Variants in SYNPR observed in about 807,000 individuals in gnomAD.
SYNPR encodes synaptoporin.
In SYNPR, 23 loss-of-function variants were observed where a neutral mutation model predicts 32.9. The ratio of observed to expected loss-of-function variants is 0.70; its 90% CI spans 0.50 to 0.99. SYNPR has a LOEUF of 0.99. SYNPR is among the 50% of genes least tolerant of loss of function. SYNPR has a pLI of 0.00. For synonymous variants in SYNPR, 146 were observed against 135.9 expected, an observed-to-expected ratio of 1.07 and a Z score of -0.52; for missense variants, 318 against 349.3, an observed-to-expected ratio of 0.91 and a Z score of 0.71.
the SYNPR span, among the ~76,000 whole-genome samples, chr3:63,211,244 T>C: frequency 6.6e-6 from 1 of 152,136 alleles, no homozygotes; most frequent in African/African-American, 2.4e-5. Context: ...ATTTTTATAT[T>C]TTTAGTAGAG....
chr3:63,350,884 G>A (rs577195846), intron 2 of SYNPR, among the ~76,000 whole-genome samples: 2 of 152,136 alleles, frequency 1.3e-5, no homozygotes, highest in East Asian at 1.9e-4. Flanking sequence ...GTGACTTCTC[G>A]ACCTCTGTTC....
chr3:63,476,262 A>G (rs13321732), intron 2 of SYNPR, among the ~76,000 whole-genome samples: 1 of 87,518 alleles, frequency 1.1e-5, no homozygotes, highest in Non-Finnish European at 2.2e-5. Flanking sequence ...AGAAGAAGGA[A>G]GGAAGGAAGG....
intron 2 of SYNPR, among the ~76,000 whole-genome samples, chr3:63,364,988 A>G (rs2198137): frequency 0.75 from 114,561 of 152,120 alleles, 43,907 homozygotes; most frequent in East Asian, 0.98. Flanking sequence ...ATTAAGAATA[A>G]AGATAAATGA....
At chr3:63,338,238 T>A (rs1451780325) in intron 2 of SYNPR, among the ~76,000 whole-genome samples, 1 of 152,196 alleles carries the variant, frequency 6.6e-6, no homozygotes, top group Non-Finnish European at 1.5e-5. Context: ...CTTGGCAGAA[T>A]TTCTTCTGAA....
chr3:63,483,087 A>G (rs938741092), intron 3 of SYNPR, among the ~76,000 whole-genome samples: 4 of 152,228 alleles, frequency 2.6e-5, no homozygotes, highest in African/African-American at 9.6e-5. Flanking sequence ...TGTACATTCT[A>G]TTTAATCCAG....
intron 3 of SYNPR, among the ~76,000 whole-genome samples, chr3:63,270,387 T>A (rs936875790): frequency 1.3e-5 from 2 of 152,130 alleles, no homozygotes; most frequent in African/African-American, 4.8e-5. Flanking sequence ...TTTCTTAAGA[T>A]CAAATGATTT....
intron 2 of SYNPR, among the ~76,000 whole-genome samples, chr3:63,347,368 C>G (rs1189327269): frequency 2.6e-5 from 4 of 152,146 alleles, no homozygotes; most frequent in African/African-American, 9.7e-5. Flanking sequence ...AGGTAGGCTA[C>G]TTTTGAACCA....
chr3:63,396,832 C>T (rs1441415254), intron 2 of SYNPR, among the ~76,000 whole-genome samples: 2 of 152,160 alleles, frequency 1.3e-5, no homozygotes, highest in East Asian at 1.9e-4. Context: ...TGGCCGAGCG[C>T]GGTGGCTCAC....
intron 1 of SYNPR, among the ~76,000 whole-genome samples, chr3:63,238,830 T>C (rs1443326545): frequency 1.3e-5 from 2 of 152,136 alleles, no homozygotes; most frequent in Non-Finnish European, 2.9e-5. Flanking sequence ...ATAACAGTGA[T>C]TTTGATGTGT....
chr3:63,496,999 A>C (rs889110800), intron 3 of SYNPR, among the ~76,000 whole-genome samples: 2 of 152,132 alleles, frequency 1.3e-5, no homozygotes, highest in Admixed American at 6.5e-5. Context: ...AAGTTAAGGC[A>C]CAGAGAAATT....
At chr3:63,372,913 C>T (rs893318783) in intron 2 of SYNPR, among the ~76,000 whole-genome samples, 4 of 152,156 alleles carry the variant, frequency 2.6e-5, no homozygotes, top group African/African-American at 9.7e-5. Flanking sequence ...GAACAAGAGC[C>T]TACCAACTGG....
At chr3:63,232,606 G>A (rs1208913315) in intron 1 of SYNPR, among the ~76,000 whole-genome samples, 1 of 152,184 alleles carries the variant, frequency 6.6e-6, no homozygotes, top group African/African-American at 2.4e-5. Context: ...AGGATGGCTT[G>A]TAGGAAATAC....
At chr3:63,206,035 T>C in the SYNPR span, among the ~76,000 whole-genome samples, 1 of 152,206 alleles carries the variant, frequency 6.6e-6, no homozygotes, top group East Asian at 1.9e-4. Flanking sequence ...TTTTCCCCTC[T>C]ATAGAAGACC....
intron 2 of SYNPR, among the ~76,000 whole-genome samples, chr3:63,310,363 C>G (rs1436621558): frequency 6.6e-6 from 1 of 151,942 alleles, no homozygotes; most frequent in Non-Finnish European, 1.5e-5. Context: ...AGGATATAAC[C>G]GCCTTTAGGT....
chr3:63,326,218 AG>A (rs2087166164), intron 2 of SYNPR, among the ~76,000 whole-genome samples: 1 of 152,070 alleles, frequency 6.6e-6, no homozygotes, highest in Non-Finnish European at 1.5e-5. Flanking sequence ...AGAAAAGTTA[AG>A]GGACATGTTA....
At chr3:63,278,110 A>G (rs1641385797), upstream of SYNPR, 1 of 160,872 alleles carries the variant, frequency 6.2e-6, no homozygotes, top group Admixed American at 6.4e-5. Flanking sequence ...GCTTTCCCAA[A>G]CCAACAGACC....
chr3:63,423,678 C>T (rs1458327455), intron 2 of SYNPR: 1 of 152,252 alleles, frequency 6.6e-6, no homozygotes, highest in African/African-American at 2.4e-5. Context: ...GAGGAGGAAT[C>T]ATTGGTTCTG....
chr3:63,389,311 T>G (rs2088099510), intron 2 of SYNPR, among the ~76,000 whole-genome samples: 1 of 151,912 alleles, frequency 6.6e-6, no homozygotes, highest in South Asian at 2.1e-4. Flanking sequence ...TGCAAAAAAG[T>G]GGGGAAAGAA....
chr3:63,333,074 T>A (rs1163858398), intron 2 of SYNPR, among the ~76,000 whole-genome samples: 2 of 152,124 alleles, frequency 1.3e-5, no homozygotes, highest in African/African-American at 4.8e-5. Context: ...ATAAGTCATA[T>A]CCTAAAAACA....
Sources: gnomAD v4.1 joint callset for allele counts (sites outside exome capture counted in the v4.1 genomes callset) on GRCh38, gnomAD v4.1.1 for gene constraint, MANE v1.5 for transcripts, NCBI Gene and HGNC (gene_info 2026-07-23, HGNC 2026-07-21) for gene names.